The following TPTE variants were observed in gnomAD, a reference collection of about 807,000 sequenced individuals.
TPTE encodes putative tyrosine-protein phosphatase TPTE.
Under a neutral mutation model 84.1 loss-of-function variants are expected in TPTE, and 59 were observed. That is an observed-to-expected ratio of 0.70 (90% CI 0.57 to 0.87). TPTE has a LOEUF of 0.87. Among genes scored for constraint, TPTE ranks in the 40% least tolerant of loss-of-function variants. The pLI, the probability that TPTE is intolerant of heterozygous loss-of-function variation, is 0.00. For synonymous variants in TPTE, 130 were observed against 223.5 expected, an observed-to-expected ratio of 0.58 and a Z score of 3.73; for missense variants, 382 against 659.6, an observed-to-expected ratio of 0.58 and a Z score of 4.61.
At chr21:10,584,879 A>AGTGT (rs56198162) in intron 17 of TPTE, among the ~76,000 whole-genome samples, 11,110 of 144,030 alleles carry the variant, frequency 0.077, no homozygotes, top group East Asian at 0.12. Flanking sequence ...ATGCTTTACG[A>AGTGT]GTGTGTGTGT....
intron 14 of TPTE, among the ~76,000 whole-genome samples, chr21:10,575,641 A>G (rs2145724120): frequency 6.6e-6 from 1 of 152,428 alleles, no homozygotes; most frequent in Non-Finnish European, 1.5e-5. Context: ...TCCCCCTGGG[A>G]TGGAGCTTCC....
At chr21:10,530,047 A>G (rs565083753) in intron 3 of TPTE, among the ~76,000 whole-genome samples, 225 of 152,316 alleles carry the variant, frequency 1.5e-3, no homozygotes, top group African/African-American at 5.3e-3. Flanking sequence ...ATGAATTACA[A>G]TCCTTTCTGT....
At chr21:10,572,540 G>A in intron 14 of TPTE, among the ~76,000 whole-genome samples, 1 of 152,046 alleles carries the variant, frequency 6.6e-6, no homozygotes, top group East Asian at 1.9e-4. Context: ...TTGATTAGCA[G>A]TAGATTTCCC....
At chr21:10,543,014 C>CTTTT (rs1051322060) in intron 6 of TPTE, among the ~76,000 whole-genome samples, 29 of 72,278 alleles carry the variant, frequency 4.0e-4, no homozygotes, top group East Asian at 1.1e-3. Flanking sequence ...TGACTGTATT[C>CTTTT]TTTTTTTTTT....
chr21:10,597,483 C>T (rs1960857), intron 20 of TPTE, among the ~76,000 whole-genome samples: 2,657 of 146,282 alleles, frequency 0.018, no homozygotes, highest in African/African-American at 0.068. Flanking sequence ...GGTGTGATCT[C>T]GGCTCACTGC....
chr21:10,558,090 T>C (rs1380733430), intron 8 of TPTE, among the ~76,000 whole-genome samples: 3 of 152,208 alleles, frequency 2.0e-5, no homozygotes, highest in African/African-American at 7.2e-5. Context: ...GATCTCATTC[T>C]TTTTTTATGG....
intron 17 of TPTE, among the ~76,000 whole-genome samples, chr21:10,580,808 T>C (rs2075258235): frequency 2.0e-5 from 3 of 152,310 alleles, no homozygotes; most frequent in African/African-American, 7.2e-5. Flanking sequence ...AAAATTATAC[T>C]GGAATTTTTA....
In TPTE at chr21:10,595,976, T is replaced by C. The variant is rs751572700; in HGVS notation, c.1171-6T>C. On this transcript the variant is annotated splice_polypyrimidine_tract_variant and splice_region_variant and intron_variant, in intron 19 of 23. Transcript: ENST00000618007. ...CACTTAAAGGAAGATTTCTGTTGCT[T>C]TTCAGAAGAGATATGTTGCATATTT... is the stretch of plus-strand genomic sequence containing the variant. 5.0e-6 allele frequency: 8 copies of C among 1,613,876 alleles called. No homozygotes were observed. Among genetic ancestry groups the C allele is most frequent in the Non-Finnish European group, 6.8e-6 (8 of 1,179,852 alleles).
At chr21:10,571,085 G>A (rs1600925680) in intron 14 of TPTE, among the ~76,000 whole-genome samples, 1 of 152,426 alleles carries the variant, frequency 6.6e-6, no homozygotes, top group East Asian at 1.9e-4. Context: ...TGCCCGCCCT[G>A]CTGTTGGCAA....
intron 7 of TPTE, among the ~76,000 whole-genome samples, chr21:10,546,202 T>C (rs1189939111): frequency 6.6e-6 from 1 of 152,306 alleles, no homozygotes; most frequent in African/African-American, 2.4e-5. Context: ...CTTTTTATTA[T>C]CATATCTGTT....
chr21:10,569,243 GACAC>G (rs146395051), intron 11 of TPTE, among the ~76,000 whole-genome samples, 190 bp from the exon 12 acceptor site: 4 of 152,418 alleles, frequency 2.6e-5, no homozygotes, highest in Non-Finnish European at 4.4e-5. Flanking sequence ...GTAACACACA[GACAC>G]ACACACACAT....
intron 14 of TPTE, among the ~76,000 whole-genome samples, chr21:10,572,467 A>G (rs1403953615): frequency 1.3e-5 from 2 of 151,976 alleles, no homozygotes; most frequent in East Asian, 1.9e-4. Flanking sequence ...AAAAAAAAAA[A>G]AAAAAGGAAA....
In TPTE at chr21:10,542,555, CCATCCATT is replaced by C. The variant is rs1444112676; in HGVS notation, c.119+115_119+122del. 690 of 1,373,344 alleles carry C rather than the reference CCATCCATT, an allele frequency of 5.0e-4. No individual in the cohort carries two copies. In the Admixed American group the frequency reaches 0.011, roughly 22 times the overall value. The allele number at this position is 1,373,344 out of a possible 1,614,324, so 85.1% of individuals were successfully genotyped here. On this transcript the variant is annotated intron_variant, in intron 6 of 23. Coordinates refer to ENST00000618007, the MANE Select transcript of TPTE (RefSeq NM_199261.4). The stretch of plus-strand genomic sequence containing the variant: ...CCCATCCATCCATCCATCCATCCAT[CCATCCATT>C]CATCCATCCATCCATCCATCCATCC...
chr21:10,590,729 C>T (rs1280551001), intron 18 of TPTE, among the ~76,000 whole-genome samples: 1 of 152,308 alleles, frequency 6.6e-6, no homozygotes, highest in Non-Finnish European at 1.5e-5. Flanking sequence ...CTCTTTGGGC[C>T]AGGACTAGAG....
chr21:10,575,347 C>T (rs1282192540), intron 14 of TPTE, among the ~76,000 whole-genome samples: 1 of 144,824 alleles, frequency 6.9e-6, no homozygotes, highest in Non-Finnish European at 1.5e-5. Flanking sequence ...GTTCTATGGA[C>T]AGAGCTTTGA....
At chr21:10,603,083 C>T (rs1978777929) in intron 22 of TPTE, among the ~76,000 whole-genome samples, 1 of 152,296 alleles carries the variant, frequency 6.6e-6, no homozygotes, top group South Asian at 2.1e-4. Flanking sequence ...AGGCAGATAT[C>T]AGGATCAGTC....
In TPTE at chr21:10,605,397, T is replaced by A. The variant is rs1190954712; in HGVS notation, c.1521-20T>A. ...CAGTGAGCCCCAATATAAAATGTAA[T>A]AATTTTTTTCTATTCTTAGGCTTTA... On this transcript the variant is annotated intron_variant, in intron 23 of 23. Transcript: ENST00000618007. 2 of 1,612,234 alleles carry A rather than the reference T, an allele frequency of 1.2e-6. No individual in the cohort carries two copies. The highest frequency in any genetic ancestry group is 1.7e-6 in the Non-Finnish European group (2 of 1,179,062).
intron 21 of TPTE, among the ~76,000 whole-genome samples, chr21:10,600,383 C>T (rs2145802189): frequency 6.6e-6 from 1 of 152,428 alleles, no homozygotes; most frequent in East Asian, 1.9e-4. Context: ...AGGTGATCTG[C>T]CCACCTCAAC....
chr21:10,530,868 CAT>C (rs1460313028), intron 3 of TPTE, among the ~76,000 whole-genome samples: 5 of 152,308 alleles, frequency 3.3e-5, no homozygotes, highest in Admixed American at 3.3e-4. Context: ...TAGATGGTAA[CAT>C]ATTGCATTAT....
Sources: allele counts gnomAD v4.1 joint callset (sites outside exome capture counted in the v4.1 genomes callset), GRCh38; gene constraint gnomAD v4.1.1; transcripts MANE v1.5; gene names NCBI Gene and HGNC (gene_info 2026-07-23, HGNC 2026-07-21).